ATP11B: variants seen among roughly 807,000 people sequenced by gnomAD.
ATP11B encodes phospholipid-transporting ATPase IF.
A neutral mutation model predicts 157.8 loss-of-function variants in ATP11B; 81 were observed. That is an observed-to-expected ratio of 0.51 (90% CI 0.43 to 0.62). The LOEUF is 0.62. ATP11B is among the 20% of genes least tolerant of loss of function. The pLI, the probability that ATP11B is intolerant of heterozygous loss-of-function variation, is 0.00. For synonymous variants in ATP11B, 451 were observed against 469.4 expected (o/e 0.96, Z 0.51); for missense variants, 1,165 against 1,402.2 (o/e 0.83, Z 2.70).
At chr3:182,796,546 A>G (rs997055245) in intron 1 of ATP11B, among the ~76,000 whole-genome samples, 2 of 152,352 alleles carry the variant, frequency 1.3e-5, no homozygotes, top group African/African-American at 4.8e-5. Context: ...TCATATTTTC[A>G]TTATCACAGA....
chr3:182,846,823 AGAG>A (rs982465812), intron 9 of ATP11B, among the ~76,000 whole-genome samples: 1 of 152,180 alleles, frequency 6.6e-6, no homozygotes, highest in Non-Finnish European at 1.5e-5. Flanking sequence ...GCTGGGGAGT[AGAG>A]GAGAATGGAG....
At chr3:182,817,376 G>A (rs1292698493) in intron 1 of ATP11B, among the ~76,000 whole-genome samples, 1 of 152,028 alleles carries the variant, frequency 6.6e-6, no homozygotes, top group Non-Finnish European at 1.5e-5. Flanking sequence ...CACCTCCCGG[G>A]TTCAAGCAGT....
intron 18 of ATP11B, among the ~76,000 whole-genome samples, chr3:182,873,332 A>G (rs1250187970): frequency 2.6e-5 from 4 of 152,166 alleles, no homozygotes; most frequent in South Asian, 2.1e-4. Context: ...TTTAAAATCT[A>G]TGTTTTCATT....
intron 24 of ATP11B, 120 bp downstream of exon 24, chr3:182,887,833 T>G: frequency 1.9e-6 from 2 of 1,042,284 alleles, no homozygotes; most frequent in East Asian, 5.3e-5. Context: ...GTCGTATGAT[T>G]TACAGTTGTT....
chr3:182,879,617 T>A lies in ATP11B; in HGVS notation c.2374T>A (p.Cys792Ser). The A allele has an allele frequency of 6.2e-7, 1 of 1,613,824 alleles. No homozygotes were observed. The highest frequency in any genetic ancestry group is 8.5e-7 in the Non-Finnish European group (1 of 1,179,858). The change falls in exon 20 of 30, where the codon TGC becomes AGC. Residue 792 changes from cysteine (C) to serine (S), a missense_variant. By Grantham distance (112) the Cys-to-Ser change is moderately radical. Around this residue, in one of 4 missense-constraint regions of ATP11B, gnomAD observed 737 missense variants for 930.5 expected, o/e 0.79. Transcript: ENST00000323116. ...TTGCAGAAATTGTTCAGCTGTATTATGCTGTCGTATGGCTCCACTGCAGAA... is the reference window on the plus strand; with the variant it reads ...TTGCAGAAATTGTTCAGCTGTATTAAGCTGTCGTATGGCTCCACTGCAGAA... ...EVCRNCSAVL[C>S]CRMAPLQKAK...
chr3:182,836,327 C>A lies in ATP11B; in HGVS notation c.424-15C>A. ...TAAAATTTATAAATTCACTCTTCCC[C>A]AAAATTCTTTATAGGTGGGTGATAT... On this transcript the variant is annotated splice_polypyrimidine_tract_variant and intron_variant, in intron 5 of 29. Coordinates refer to ENST00000323116, the MANE Select transcript of ATP11B (RefSeq NM_014616.3). 6.2e-7 allele frequency: 1 copy of A among 1,612,646 alleles called. No individual in the cohort carries two copies. Among genetic ancestry groups the A allele is most frequent in the Non-Finnish European group, 8.5e-7 (1 of 1,179,456 alleles).
At chr3:182,911,905 G>A (rs1379699067) in intron 28 of ATP11B, among the ~76,000 whole-genome samples, 2 of 152,210 alleles carry the variant, frequency 1.3e-5, no homozygotes, top group East Asian at 1.9e-4. Context: ...GAACGCTGAT[G>A]TAGGGGTCAG....
chr3:182,817,047 C>T (rs554515778), intron 1 of ATP11B, among the ~76,000 whole-genome samples: 3 of 152,184 alleles, frequency 2.0e-5, no homozygotes, highest in Non-Finnish European at 2.9e-5. Context: ...AACACACGTA[C>T]GTGCCCACAA....
intron 8 of ATP11B, 32 bp from the exon 9 acceptor site, chr3:182,845,426 A>C: frequency 2.6e-6 from 4 of 1,558,544 alleles, no homozygotes; most frequent in Non-Finnish European, 3.5e-6. Flanking sequence ...TAATATATTC[A>C]GTGCTTTATG....
chr3:182,914,026 A>G, intron 29 of ATP11B, 32 bp downstream of exon 29: 1 of 1,613,010 alleles, frequency 6.2e-7, no homozygotes, highest in South Asian at 1.1e-5. Context: ...CCTTTGCTGC[A>G]GATGAGTATC....
chr3:182,898,493 T>A, intron 27 of ATP11B, 114 bp from the exon 28 acceptor site: 1 of 700,902 alleles, frequency 1.4e-6, no homozygotes, highest in Non-Finnish European at 2.2e-6. Flanking sequence ...CTGATTTCAG[T>A]TTTGAACATT....
At chr3:182,875,296 A>G (rs1441714957) in intron 19 of ATP11B, among the ~76,000 whole-genome samples, 1 of 152,212 alleles carries the variant, frequency 6.6e-6, no homozygotes, top group Non-Finnish European at 1.5e-5. Context: ...ATAGTTGTTA[A>G]TATACATTCA....
chr3:182,795,458 A>G (rs951591405), intron 1 of ATP11B, among the ~76,000 whole-genome samples: 3 of 152,224 alleles, frequency 2.0e-5, no homozygotes, highest in African/African-American at 7.2e-5. Flanking sequence ...CAAGACAGAA[A>G]ACCTGGTAAT....
chr3:182,884,011 T>C (rs1331824748), intron 21 of ATP11B, among the ~76,000 whole-genome samples: 2 of 151,156 alleles, frequency 1.3e-5, no homozygotes, highest in Non-Finnish European at 3.0e-5. Context: ...TCTCTAGGGA[T>C]TATGAATACA....
intron 1 of ATP11B, among the ~76,000 whole-genome samples, chr3:182,794,174 G>A (rs1715445477): frequency 6.6e-6 from 1 of 152,214 alleles, no homozygotes; most frequent in Admixed American, 6.5e-5. Context: ...GATGAGAGAG[G>A]CGTGCTCTTC....
rs1243868156 is a variant in ATP11B, at chr3:182,820,261, G to A, written c.29G>A (p.Gly10Asp). 6 of 1,610,840 alleles carry A rather than the reference G, an allele frequency of 3.7e-6. No individual in the cohort carries two copies. The Admixed American group carries it at 1.0e-4, about 27-fold the overall frequency. Residue 10 changes from glycine (G) to aspartate (D), a missense_variant and splice_region_variant, in exon 2 of 30, where the codon GGT becomes GAT. By Grantham distance (94) the Gly-to-Asp change is moderately conservative. Around this residue, in one of 4 missense-constraint regions of ATP11B, gnomAD observed 91 missense variants for 95.8 expected, o/e 0.95. Coordinates refer to ENST00000323116, the MANE Select transcript of ATP11B (RefSeq NM_014616.3). The part of the protein sequence containing the change: MWRWIRQQL[G>D]FDPPHQSDTR... ...TTTCTCTTGCTTGATTGGTCTTAGG[G>A]TTTTGACCCACCACATCAGAGTGAC...
At chr3:182,800,972 T>C (rs1715972167) in intron 1 of ATP11B, among the ~76,000 whole-genome samples, 1 of 151,474 alleles carries the variant, frequency 6.6e-6, no homozygotes, top group African/African-American at 2.4e-5. Context: ...ACGGATTTTT[T>C]CGTATTGTTA....
Position 182,920,288 on chromosome 3 carries a change from A to G in ATP11B, c.*2184A>G, listed in dbSNP as rs888545897. On this transcript the variant is annotated 3_prime_UTR_variant, in exon 30 of 30. Transcript: ENST00000323116. Reference sequence around the variant, plus strand: ...TTTTTAAAAAAAGTAAATGGCAACCACTAGTGTGCTCATCCTGAACTGTTA... The same window carrying G: ...TTTTTAAAAAAAGTAAATGGCAACCGCTAGTGTGCTCATCCTGAACTGTTA... 6.6e-6 allele frequency: 1 copy of G among 152,220 alleles called. No individual in the cohort carries two copies. Among genetic ancestry groups the G allele is most frequent in the Non-Finnish European group, 1.5e-5 (1 of 68,036 alleles). 9.4% of individuals were successfully genotyped at this position (152,220 alleles called of 1,614,324 possible).
At chr3:182,917,748 C>T in intron 29 of ATP11B, 1 of 984,602 alleles carries the variant, frequency 1.0e-6, no homozygotes, top group Non-Finnish European at 1.2e-6. Flanking sequence ...AAAAGCAGCT[C>T]ATGCTTTACT....
Sources: gnomAD v4.1 joint callset for allele counts (sites outside exome capture counted in the v4.1 genomes callset) on GRCh38, gnomAD v4.1.1 for gene constraint, gnomAD v4.1.1 regional missense constraint, MANE v1.5 for transcripts, NCBI Gene and HGNC (gene_info 2026-07-23, HGNC 2026-07-21) for gene names.